Variants in RNF216 observed in about 807,000 individuals in gnomAD.
The protein encoded by RNF216 is E3 ubiquitin-protein ligase RNF216.
Under a neutral mutation model 110.8 loss-of-function variants are expected in RNF216, and 72 were observed. That is an observed-to-expected ratio of 0.65 (90% CI 0.54 to 0.79). RNF216 has a LOEUF of 0.79. Ranked by LOEUF, RNF216 falls within the 30% of genes least tolerant of loss-of-function variation. The pLI is 0.00. For missense variants in RNF216, 1,342 were observed against 1,141.2 expected, an observed-to-expected ratio of 1.18 and a Z score of -2.54; for synonymous variants, 495 against 407.5, an observed-to-expected ratio of 1.21 and a Z score of -2.59.
chr7:5,702,375 A>G (rs569946011), intron 13 of RNF216, among the ~76,000 whole-genome samples: 2 of 152,302 alleles, frequency 1.3e-5, no homozygotes, highest in Admixed American at 1.3e-4. Flanking sequence ...CACAGGGCCA[A>G]GCAGAAACAA....
At chr7:5,695,565 C>T (rs1280455764) in intron 13 of RNF216, among the ~76,000 whole-genome samples, 8 of 152,238 alleles carry the variant, frequency 5.3e-5, no homozygotes. Context: ...GAAGACACCG[C>T]AGCTATAGAC....
At chr7:5,627,522 C>T (rs918740937) in intron 15 of RNF216, among the ~76,000 whole-genome samples, 10 of 151,948 alleles carry the variant, frequency 6.6e-5, no homozygotes, top group African/African-American at 1.7e-4. Context: ...CTGAGGCAGG[C>T]GGACCACGAG....
intron 8 of RNF216, among the ~76,000 whole-genome samples, chr7:5,723,876 G>A (rs1468532158): frequency 1.3e-5 from 2 of 152,036 alleles, no homozygotes; most frequent in Non-Finnish European, 2.9e-5. Flanking sequence ...ATAAAAAGCT[G>A]TCAAAAAAGG....
chr7:5,693,841 C>T (rs183192790), intron 13 of RNF216, among the ~76,000 whole-genome samples: 3 of 152,206 alleles, frequency 2.0e-5, no homozygotes, highest in South Asian at 2.1e-4. Flanking sequence ...CAGAGATGGA[C>T]GCGGGTAGAG....
chr7:5,730,915 A>G (rs1794050153), intron 5 of RNF216, 98 bp from the exon 6 acceptor site: 4 of 1,510,914 alleles, frequency 2.6e-6, no homozygotes, highest in Admixed American at 4.1e-5. Context: ...CCTTAGTCAC[A>G]CATTACAACT....
At chr7:5,708,645 C>T (rs1281855650) in intron 13 of RNF216, among the ~76,000 whole-genome samples, 1 of 152,184 alleles carries the variant, frequency 6.6e-6, no homozygotes, top group Non-Finnish European at 1.5e-5. Flanking sequence ...AGTGCTCAGG[C>T]TTTTGTTTTC....
chr7:5,751,686 T>A (rs533304648), intron 3 of RNF216, among the ~76,000 whole-genome samples: 20 of 152,230 alleles, frequency 1.3e-4, no homozygotes, highest in Non-Finnish European at 2.6e-4. Flanking sequence ...TTGAAAGGAC[T>A]TTGCTTCTGC....
At chr7:5,733,839 T>C (rs1048006150) in intron 5 of RNF216, among the ~76,000 whole-genome samples, 23 of 152,212 alleles carry the variant, frequency 1.5e-4, no homozygotes, top group African/African-American at 5.3e-4. Context: ...TAACTCAGTA[T>C]TGTCGAAGAG....
chr7:5,660,399 C>T (rs1172535260), intron 13 of RNF216, among the ~76,000 whole-genome samples: 1 of 146,874 alleles, frequency 6.8e-6, no homozygotes, highest in Non-Finnish European at 1.5e-5. Flanking sequence ...TCAAGTGATT[C>T]TCCCACCTCA....
chr7:5,739,229 T>A (rs766430843), intron 5 of RNF216, 47 bp downstream of exon 5: 2 of 1,485,156 alleles, frequency 1.3e-6, no homozygotes, highest in Non-Finnish European at 1.8e-6. Flanking sequence ...TACATATATT[T>A]TACCACCACC....
In RNF216 at chr7:5,620,935, T is replaced by C. The variant is rs1183702159; in HGVS notation, c.*1925A>G. Reference sequence around the variant, plus strand: ...CCTCCCTGGGGAAGCACAGGGAGCATATTTAAGGTACCGAAGACAATCCTG... The same window carrying C: ...CCTCCCTGGGGAAGCACAGGGAGCACATTTAAGGTACCGAAGACAATCCTG... On this transcript the variant is annotated 3_prime_UTR_variant, in exon 17 of 17. Transcript: ENST00000389902. The C allele has an allele frequency of 6.6e-6, 1 of 152,176 alleles. No homozygotes were observed. The highest frequency in any genetic ancestry group is 2.4e-5 in the African/African-American group (1 of 41,432). 9.4% of individuals were successfully genotyped at this position (152,176 alleles called of 1,614,324 possible).
At chr7:5,677,079 C>T (rs1790346089) in intron 13 of RNF216, among the ~76,000 whole-genome samples, 1 of 152,244 alleles carries the variant, frequency 6.6e-6, no homozygotes, top group Admixed American at 6.5e-5. Context: ...AGACCACATA[C>T]ATCTCCCTTG....
chr7:5,714,548 C>T (rs538237476), intron 11 of RNF216, among the ~76,000 whole-genome samples: 5 of 152,172 alleles, frequency 3.3e-5, no homozygotes, highest in South Asian at 2.1e-4. Flanking sequence ...GTGAGCCACC[C>T]GGGCAAAAAG....
chr7:5,695,922 A>T (rs150144528), intron 13 of RNF216, among the ~76,000 whole-genome samples: 1 of 152,350 alleles, frequency 6.6e-6, no homozygotes, highest in African/African-American at 2.4e-5. Context: ...GGTGCCACAG[A>T]AAACATGTTT....
chr7:5,748,150 A>G (rs1056030375), intron 3 of RNF216, among the ~76,000 whole-genome samples: 1 of 152,210 alleles, frequency 6.6e-6, no homozygotes, highest in Non-Finnish European at 1.5e-5. Context: ...ACACAGACAG[A>G]GGACTGGCCT....
At chr7:5,747,417 G>C (rs1322518779) in intron 3 of RNF216, among the ~76,000 whole-genome samples, 1 of 152,196 alleles carries the variant, frequency 6.6e-6, no homozygotes, top group Non-Finnish European at 1.5e-5. Flanking sequence ...ATGATATTCA[G>C]GACCTGACAA....
At chr7:5,635,907 G>T (rs1301066308) in intron 15 of RNF216, among the ~76,000 whole-genome samples, 1 of 152,142 alleles carries the variant, frequency 6.6e-6, no homozygotes, top group African/African-American at 2.4e-5. Flanking sequence ...AAAGCCCTAG[G>T]GTTTTATTTG....
intron 1 of RNF216, among the ~76,000 whole-genome samples, chr7:5,774,728 G>GGA (rs1554267658): frequency 6.6e-6 from 1 of 151,144 alleles, no homozygotes; most frequent in Non-Finnish European, 1.5e-5. Flanking sequence ...TTCAAGGGGG[G>GGA]AAAAAATCTT....
chr7:5,658,127 A>C (rs1788863114), intron 13 of RNF216, among the ~76,000 whole-genome samples: 1 of 152,212 alleles, frequency 6.6e-6, no homozygotes, highest in African/African-American at 2.4e-5. Context: ...CGGAGCTGAC[A>C]TCTTCATGGG....
Sources: allele counts gnomAD v4.1 joint callset (sites outside exome capture counted in the v4.1 genomes callset), GRCh38; gene constraint gnomAD v4.1.1; transcripts MANE v1.5; gene names NCBI Gene and HGNC (gene_info 2026-07-23, HGNC 2026-07-21).